UNC5D: variants seen among roughly 807,000 people sequenced by gnomAD.
UNC5D encodes unc-5 netrin receptor D.
Under a neutral mutation model 105.4 loss-of-function variants are expected in UNC5D, and 39 were observed. The ratio of observed to expected loss-of-function variants is 0.37; its 90% CI spans 0.29 to 0.48. UNC5D has a LOEUF of 0.48. UNC5D is among the 20% of genes least tolerant of loss of function. UNC5D has a pLI of 0.98. For missense variants in UNC5D, 991 were observed against 1,202.4 expected, an observed-to-expected ratio of 0.82 and a Z score of 2.60; for synonymous variants, 452 against 450.4, an observed-to-expected ratio of 1.00 and a Z score of -0.04.
chr8:35,644,190 TAG>T (rs1822915299), intron 4 of UNC5D, among the ~76,000 whole-genome samples: 2 of 152,228 alleles, frequency 1.3e-5, no homozygotes, highest in Non-Finnish European at 2.9e-5. Context: ...AAGGCTTATA[TAG>T]AGTTAGGGTT....
At chr8:35,718,750 G>A (rs1354583648) in intron 8 of UNC5D, among the ~76,000 whole-genome samples, 1 of 152,192 alleles carries the variant, frequency 6.6e-6, no homozygotes, top group Non-Finnish European at 1.5e-5. Flanking sequence ...CTTCATGGGA[G>A]AGGAAGACTT....
chr8:35,602,597 A>G (rs1385250938), intron 4 of UNC5D, among the ~76,000 whole-genome samples: 1 of 152,148 alleles, frequency 6.6e-6, no homozygotes, highest in African/African-American at 2.4e-5. Flanking sequence ...AGAGGTGTTT[A>G]TAGTATTCTC....
At chr8:35,346,155 C>G (rs1287696751) in intron 1 of UNC5D, among the ~76,000 whole-genome samples, 1 of 151,906 alleles carries the variant, frequency 6.6e-6, no homozygotes, top group Non-Finnish European at 1.5e-5. Flanking sequence ...TAGGCAAGAA[C>G]TGTGAGTGGA....
chr8:35,731,186 G>A (rs1829169225), intron 11 of UNC5D, 90 bp downstream of exon 11: 2 of 1,283,260 alleles, frequency 1.6e-6, no homozygotes, highest in Non-Finnish European at 2.2e-6. Context: ...ATCACTTGAG[G>A]TCAGGAGTTC....
At chr8:35,551,261 T>C (rs1816119111) in intron 2 of UNC5D, among the ~76,000 whole-genome samples, 1 of 152,186 alleles carries the variant, frequency 6.6e-6, no homozygotes. Context: ...AGTAATTGCA[T>C]TAACAAGGAT....
intron 1 of UNC5D, among the ~76,000 whole-genome samples, chr8:35,355,885 G>A (rs1801523822): frequency 6.6e-6 from 1 of 152,084 alleles, no homozygotes; most frequent in Non-Finnish European, 1.5e-5. Context: ...CTTACAAGGT[G>A]TTGTCTTGAA....
intron 4 of UNC5D, among the ~76,000 whole-genome samples, chr8:35,607,700 A>G (rs1820394669): frequency 6.6e-6 from 1 of 152,106 alleles, no homozygotes; most frequent in East Asian, 1.9e-4. Flanking sequence ...TGATGGGCAC[A>G]TTTTTGTAAA....
intron 4 of UNC5D, among the ~76,000 whole-genome samples, chr8:35,615,136 G>A (rs560137738): frequency 8.0e-5 from 12 of 150,794 alleles, no homozygotes; most frequent in Non-Finnish European, 1.8e-4. Context: ...CTACTCAGGA[G>A]GCTAAGGCAG....
chr8:35,603,433 T>C (rs1041362679), intron 4 of UNC5D, among the ~76,000 whole-genome samples: 4 of 152,228 alleles, frequency 2.6e-5, no homozygotes, highest in African/African-American at 9.6e-5. Flanking sequence ...TCTGTTCTTT[T>C]ACATTTGCTG....
intron 1 of UNC5D, among the ~76,000 whole-genome samples, chr8:35,275,006 G>T (rs1805676752): frequency 6.6e-6 from 1 of 151,742 alleles, no homozygotes; most frequent in Admixed American, 6.6e-5. Flanking sequence ...CAGGAGAATT[G>T]CTTGAACCTG....
At chr8:35,407,743 A>G (rs888723459) in intron 1 of UNC5D, among the ~76,000 whole-genome samples, 1 of 152,100 alleles carries the variant, frequency 6.6e-6, no homozygotes, top group Non-Finnish European at 1.5e-5. Flanking sequence ...CTATGTGTCT[A>G]TATATTCTCA....
At chr8:35,680,007 CTTG>C (rs1304073478) in intron 4 of UNC5D, among the ~76,000 whole-genome samples, 1 of 152,114 alleles carries the variant, frequency 6.6e-6, no homozygotes, top group African/African-American at 2.4e-5. Context: ...GATCTCTCAT[CTTG>C]TTGTGAAGCC....
intron 7 of UNC5D, among the ~76,000 whole-genome samples, chr8:35,697,365 T>G (rs1211337927): frequency 6.6e-6 from 1 of 151,970 alleles, no homozygotes; most frequent in Non-Finnish European, 1.5e-5. Context: ...TATGTATTTT[T>G]TAATGAGTTT....
chr8:35,502,715 T>C (rs1450474879), intron 1 of UNC5D, among the ~76,000 whole-genome samples: 1 of 149,332 alleles, frequency 6.7e-6, no homozygotes, highest in Non-Finnish European at 1.5e-5. Flanking sequence ...CACACCACCA[T>C]GCCCGGCTAA....
chr8:35,373,639 T>G (rs946304798), intron 1 of UNC5D, among the ~76,000 whole-genome samples: 7 of 152,160 alleles, frequency 4.6e-5, no homozygotes, highest in Non-Finnish European at 1.5e-5. Context: ...TTATTTTGAA[T>G]TTACCCTGTC....
chr8:35,460,147 C>T (rs780175366), intron 1 of UNC5D, among the ~76,000 whole-genome samples: 3 of 152,142 alleles, frequency 2.0e-5, no homozygotes, highest in Non-Finnish European at 4.4e-5. Flanking sequence ...TGATCACTTT[C>T]TATTTACTCC....
chr8:35,783,522 G>T (rs998461014), intron 16 of UNC5D, among the ~76,000 whole-genome samples: 2 of 151,710 alleles, frequency 1.3e-5, no homozygotes, highest in Non-Finnish European at 2.9e-5. Flanking sequence ...GACTCAGAAC[G>T]CTGAGCTGGG....
intron 4 of UNC5D, among the ~76,000 whole-genome samples, chr8:35,619,715 T>C (rs1338846348): frequency 1.3e-5 from 2 of 152,240 alleles, no homozygotes; most frequent in African/African-American, 4.8e-5. Context: ...TTGTAAATGA[T>C]TTCAGACTTG....
intron 4 of UNC5D, among the ~76,000 whole-genome samples, chr8:35,627,927 A>G (rs890525050): frequency 8.5e-5 from 13 of 152,132 alleles, no homozygotes; most frequent in African/African-American, 3.1e-4. Flanking sequence ...ACTGTCTCAA[A>G]AAAGAAGAAA....
Sources: gnomAD v4.1 joint callset for allele counts (sites outside exome capture counted in the v4.1 genomes callset) on GRCh38, gnomAD v4.1.1 for gene constraint, MANE v1.5 for transcripts, NCBI Gene and HGNC (gene_info 2026-07-23, HGNC 2026-07-21) for gene names.